Variants in SEMA3A observed in about 807,000 individuals in gnomAD.
SEMA3A encodes semaphorin 3A.
SEMA3A carries 29 observed loss-of-function variants against 97.9 expected under a neutral mutation model. The observed-to-expected ratio is 0.30, with a 90% CI of 0.22 to 0.40. The LOEUF (loss-of-function observed/expected upper bound fraction) is 0.40. Ranked by LOEUF, SEMA3A falls within the 10% of genes least tolerant of loss-of-function variation. The pLI is 1.00. For missense variants in SEMA3A, 763 were observed against 951.3 expected (o/e 0.80, Z 2.60); for synonymous variants, 321 against 323.7 (o/e 0.99, Z 0.09).
chr7:84,473,141 G>GGTGTGT (rs61623414), intron 1 of SEMA3A, among the ~76,000 whole-genome samples: 4,910 of 141,474 alleles, frequency 0.035, 154 homozygotes, highest in African/African-American at 0.083. Flanking sequence ...AAAAAGAAAT[G>GGTGTGT]GTGTGTGTGT....
chr7:84,396,902 G>A (rs1284445177), intron 1 of SEMA3A, among the ~76,000 whole-genome samples: 14 of 151,916 alleles, frequency 9.2e-5, no homozygotes, highest in Non-Finnish European at 2.1e-4. Flanking sequence ...AAGAAAAATG[G>A]TAGATAATAA....
chr7:84,125,245 G>T (rs1795755557), intron 3 of SEMA3A, among the ~76,000 whole-genome samples: 1 of 152,128 alleles, frequency 6.6e-6, no homozygotes, highest in Admixed American at 6.5e-5. Context: ...TTTTAAAAAT[G>T]TGTGTCTCTC....
chr7:84,076,564 T>C lies in SEMA3A; in HGVS notation c.454-16006A>G, dbSNP rs370609000. On this transcript the variant is annotated intron_variant, in intron 4 of 16. Coordinates refer to ENST00000265362, the MANE Select transcript of SEMA3A (RefSeq NM_006080.3). ...TCTTAATATGCCTTTGGAGTTCCTG[T>C]AGTTCAAGCATATATTAGATCCCGA... 7.9e-5 allele frequency among the ~76,000 whole-genome samples: 12 copies of C among 152,140 alleles called. No individual in the cohort carries two copies. In the East Asian group the frequency reaches 1.5e-3, roughly 20 times the overall value.
intron 3 of SEMA3A, among the ~76,000 whole-genome samples, chr7:84,260,872 T>C (rs147348997): frequency 3.3e-5 from 5 of 152,306 alleles, no homozygotes; most frequent in Non-Finnish European, 4.4e-5. Context: ...AAATCCCACC[T>C]TCAAGCCAGG....
At chr7:84,063,359 C>T (rs1203946638) in intron 4 of SEMA3A, among the ~76,000 whole-genome samples, 6 of 148,760 alleles carry the variant, frequency 4.0e-5, no homozygotes, top group Middle Eastern at 3.4e-3. Context: ...AAAAGCAGAG[C>T]GCCTCTCCTC....
At chr7:84,453,406 T>G (rs1805611588) in intron 1 of SEMA3A, among the ~76,000 whole-genome samples, 1 of 151,742 alleles carries the variant, frequency 6.6e-6, no homozygotes, top group South Asian at 2.1e-4. Flanking sequence ...CCGGCTAATT[T>G]TTTGTATTTT....
chr7:84,445,128 T>G (rs1805376495), intron 1 of SEMA3A, among the ~76,000 whole-genome samples: 2 of 152,116 alleles, frequency 1.3e-5, no homozygotes, highest in South Asian at 4.1e-4. Context: ...AGTTTCTAAA[T>G]AATATGCATT....
intron 1 of SEMA3A, among the ~76,000 whole-genome samples, chr7:84,478,836 C>G (rs1004624606): frequency 6.6e-6 from 1 of 151,820 alleles, no homozygotes; most frequent in Non-Finnish European, 1.5e-5. Context: ...ATAATTAAAT[C>G]TTTTTAGCAA....
At chr7:84,370,063 T>C (rs1415830202) in intron 2 of SEMA3A, among the ~76,000 whole-genome samples, 4 of 151,270 alleles carry the variant, frequency 2.6e-5, no homozygotes, top group African/African-American at 9.7e-5. Flanking sequence ...TAGGTTAACC[T>C]GATTGAAGCG....
At chr7:84,292,617 T>C (rs1800777454) in intron 3 of SEMA3A, among the ~76,000 whole-genome samples, 1 of 151,832 alleles carries the variant, frequency 6.6e-6, no homozygotes, top group Admixed American at 6.6e-5. Context: ...CTGTAGGAGG[T>C]AGAAAATGCA....
chr7:84,430,098 C>G (rs561141529), intron 1 of SEMA3A, among the ~76,000 whole-genome samples: 1 of 151,912 alleles, frequency 6.6e-6, no homozygotes, highest in East Asian at 1.9e-4. Context: ...TAAACCCAAT[C>G]GGGGAAGCTG....
intron 3 of SEMA3A, among the ~76,000 whole-genome samples, chr7:84,237,078 C>A (rs1799253443): frequency 6.6e-6 from 1 of 152,012 alleles, no homozygotes; most frequent in Non-Finnish European, 1.5e-5. Context: ...TCGGGAAAAG[C>A]AATGCCCAAC....
At chr7:84,081,158 C>G (rs1278915013) in intron 4 of SEMA3A, among the ~76,000 whole-genome samples, 1 of 151,814 alleles carries the variant, frequency 6.6e-6, no homozygotes, top group Non-Finnish European at 1.5e-5. Flanking sequence ...GTAGCTAGAC[C>G]TAGATATAGA....
chr7:84,229,337 A>G (rs1412021413), intron 3 of SEMA3A, among the ~76,000 whole-genome samples: 1 of 152,148 alleles, frequency 6.6e-6, no homozygotes, highest in Admixed American at 6.6e-5. Flanking sequence ...GCCCCCTCTT[A>G]GTAGTAAATT....
chr7:84,314,330 A>G (rs1801442030), intron 2 of SEMA3A, among the ~76,000 whole-genome samples: 3 of 152,112 alleles, frequency 2.0e-5, no homozygotes, highest in African/African-American at 7.2e-5. Context: ...AACATTACAA[A>G]CAGACATCCG....
At chr7:84,396,860 C>G (rs554720789) in intron 1 of SEMA3A, among the ~76,000 whole-genome samples, 1 of 152,030 alleles carries the variant, frequency 6.6e-6, no homozygotes, top group African/African-American at 2.4e-5. Flanking sequence ...GTATTTACTT[C>G]ATTAGGTTTA....
rs111257026 is a variant in SEMA3A at position 84,260,064 on chromosome 7, C to T, written c.-83+47143G>A. Among the ~76,000 whole-genome samples the T allele has an allele frequency of 3.3e-5, 5 of 152,184 alleles. 1 individual carries two copies. Among genetic ancestry groups the T allele is most frequent in the African/African-American group, 1.2e-4 (5 of 41,516 alleles). On this transcript the variant is annotated intron_variant, in intron 3 of 3. Transcript: ENST00000424555. ...TGCATCTACAACAAACAGAATGATGCTTAGCATTTAGTTGGTAGTAAATAA... is the reference window on the plus strand; with the variant it reads ...TGCATCTACAACAAACAGAATGATGTTTAGCATTTAGTTGGTAGTAAATAA...
chr7:84,227,021 C>G (rs1799003301), intron 3 of SEMA3A, among the ~76,000 whole-genome samples: 1 of 151,870 alleles, frequency 6.6e-6, no homozygotes. Context: ...CTATGCTGTA[C>G]AAGGTTAATT....
At chr7:84,074,003 T>G (rs1046907496) in intron 4 of SEMA3A, among the ~76,000 whole-genome samples, 4 of 152,174 alleles carry the variant, frequency 2.6e-5, no homozygotes, top group Admixed American at 1.3e-4. Flanking sequence ...TTTAAGGTCG[T>G]ATCACTCTGA....
Sources: allele counts gnomAD v4.1 joint callset (sites outside exome capture counted in the v4.1 genomes callset), GRCh38; gene constraint gnomAD v4.1.1; transcripts MANE v1.5; gene names NCBI Gene and HGNC (gene_info 2026-07-23, HGNC 2026-07-21).